The following TRPC6 variants were observed in gnomAD, a reference collection of about 807,000 sequenced individuals.
TRPC6 encodes the protein transient receptor potential cation channel subfamily C member 6.
TRPC6 carries 55 observed loss-of-function variants against 90.7 expected under a neutral mutation model. The ratio of observed to expected loss-of-function variants is 0.61; its 90% confidence interval spans 0.49 to 0.76. TRPC6 has a LOEUF of 0.76. TRPC6 is among the 30% of genes least tolerant of loss of function. The probability of loss-of-function intolerance (pLI) is 0.00; values close to 1 mark genes in which losing one functional copy is unlikely to be tolerated. For synonymous variants in TRPC6, 393 were observed against 393.0 expected, an observed-to-expected ratio of 1.00 and a Z score of 0.00; for missense variants, 989 against 1,122.7, an observed-to-expected ratio of 0.88 and a Z score of 1.70.
At chr11:101,493,132 T>C (rs1325329404) in intron 2 of TRPC6, among the ~76,000 whole-genome samples, 2 of 152,202 alleles carry the variant, frequency 1.3e-5, no homozygotes, top group Non-Finnish European at 2.9e-5. Flanking sequence ...TATAACCAAA[T>C]GCTAATCAAG....
intron 2 of TRPC6, among the ~76,000 whole-genome samples, chr11:101,498,997 T>C (rs1860022956): frequency 6.6e-6 from 1 of 152,172 alleles, no homozygotes; most frequent in Admixed American, 6.6e-5. Context: ...CATGTTGGGA[T>C]GTTCTGATTT....
chr11:101,500,518 A>G (rs564666256), intron 2 of TRPC6, among the ~76,000 whole-genome samples: 1 of 152,146 alleles, frequency 6.6e-6, no homozygotes, highest in East Asian at 1.9e-4. Context: ...CATATTAATT[A>G]TTTTTAACAG....
chr11:101,491,868 C>G (rs1481981922), intron 2 of TRPC6, 130 bp from the exon 3 acceptor site: 1 of 828,654 alleles, frequency 1.2e-6, no homozygotes. Flanking sequence ...TGAGACGGAG[C>G]CTGGCTGTGT....
chr11:101,496,625 T>C (rs1859956476), intron 2 of TRPC6, among the ~76,000 whole-genome samples: 1 of 152,230 alleles, frequency 6.6e-6, no homozygotes, highest in South Asian at 2.1e-4. Context: ...TTTGGTTATA[T>C]ACACTTAGTA....
chr11:101,570,736 G>A (rs1290941301), intron 1 of TRPC6, among the ~76,000 whole-genome samples: 1 of 152,126 alleles, frequency 6.6e-6, no homozygotes, highest in Non-Finnish European at 1.5e-5. Flanking sequence ...ATCAATAAAT[G>A]TAATCCATCA....
intron 1 of TRPC6, among the ~76,000 whole-genome samples, chr11:101,534,956 G>T (rs1861002868): frequency 6.6e-6 from 1 of 152,086 alleles, no homozygotes; most frequent in African/African-American, 2.4e-5. Context: ...GAGGTCAAGG[G>T]TTCGCGAACA....
At chr11:101,560,979 G>T (rs535370348) in intron 1 of TRPC6, among the ~76,000 whole-genome samples, 2 of 152,242 alleles carry the variant, frequency 1.3e-5, no homozygotes, top group African/African-American at 2.4e-5. Flanking sequence ...CCATATAAAA[G>T]AGCATTCCAG....
At chr11:101,546,376 A>G (rs1861308517) in intron 1 of TRPC6, among the ~76,000 whole-genome samples, 3 of 150,918 alleles carry the variant, frequency 2.0e-5, no homozygotes, top group Non-Finnish European at 4.4e-5. Context: ...CCGGCCTTAT[A>G]ACTCTTTATC....
chr11:101,485,732 G>A (rs532668932), intron 4 of TRPC6, among the ~76,000 whole-genome samples: 183 of 152,188 alleles, frequency 1.2e-3, no homozygotes, highest in African/African-American at 3.9e-3. Context: ...ACAGTAGAGC[G>A]TAAATTAAAG....
intron 1 of TRPC6, among the ~76,000 whole-genome samples, chr11:101,547,825 C>G (rs535313429): frequency 6.6e-6 from 1 of 152,216 alleles, no homozygotes; most frequent in African/African-American, 2.4e-5. Context: ...ACTATATGCT[C>G]CTAGCCTGCT....
chr11:101,564,088 G>A (rs1861776210), intron 1 of TRPC6, among the ~76,000 whole-genome samples: 1 of 151,566 alleles, frequency 6.6e-6, no homozygotes, highest in African/African-American at 2.4e-5. Flanking sequence ...AAAAAAGACT[G>A]ACATCTTTAA....
intron 2 of TRPC6, among the ~76,000 whole-genome samples, chr11:101,494,877 C>T (rs1565216425): frequency 6.6e-6 from 1 of 152,144 alleles, no homozygotes; most frequent in East Asian, 1.9e-4. Flanking sequence ...TTCAGAAATA[C>T]ACACTTTTTC....
At chr11:101,540,794 T>G (rs1333338252) in intron 1 of TRPC6, among the ~76,000 whole-genome samples, 11 of 152,240 alleles carry the variant, frequency 7.2e-5, no homozygotes, top group Admixed American at 7.2e-4. Flanking sequence ...ATTCCTTATT[T>G]GACCACCATT....
Position 101,469,511 on chromosome 11 carries a change from A to T in TRPC6, c.2410-10T>A. On this transcript the variant is annotated splice_polypyrimidine_tract_variant and intron_variant, in intron 9 of 12. Coordinates refer to ENST00000344327, the MANE Select transcript of TRPC6 (RefSeq NM_004621.6). Reference sequence around the variant, plus strand: ...TCTTTTCTTCATTTATCTTTTAAAGATAGATAGTAAAATGAGTATAACTGC... The same window carrying T: ...TCTTTTCTTCATTTATCTTTTAAAGTTAGATAGTAAAATGAGTATAACTGC... 1.3e-6 allele frequency: 1 copy of T among 751,152 alleles called. No homozygotes were observed. Among genetic ancestry groups the T allele is most frequent in the Non-Finnish European group, 2.5e-6 (1 of 401,736 alleles). The allele number at this position is 751,152 out of a possible 1,614,324, so 46.5% of individuals were successfully genotyped here. A position where few individuals can be genotyped will look rare whatever the true frequency, so the allele number is the denominator to read the frequency against.
At position 101,476,537 on chromosome 11, in the gene TRPC6, G is replaced by A. The variant is rs199770434; in HGVS notation, c.1511-3C>T. 14 of 1,607,204 alleles carry A rather than the reference G, an allele frequency of 8.7e-6. No individual in the cohort carries two copies. The highest frequency in any genetic ancestry group is 1.2e-5 in the Non-Finnish European group (14 of 1,173,794). On this transcript the variant is annotated splice_region_variant and splice_polypyrimidine_tract_variant and intron_variant, in intron 5 of 12. Coordinates refer to ENST00000344327, the MANE Select transcript of TRPC6 (RefSeq NM_004621.6). Reference sequence around the variant, plus strand: ...TTTACATTCAGCCCATATCATGCCTGCATCAGAAAGGGGTTAAAATATCAA... The same window carrying A: ...TTTACATTCAGCCCATATCATGCCTACATCAGAAAGGGGTTAAAATATCAA...
intron 4 of TRPC6, among the ~76,000 whole-genome samples, chr11:101,483,604 A>G (rs1044657359): frequency 1.3e-5 from 2 of 152,156 alleles, no homozygotes; most frequent in African/African-American, 4.8e-5. Context: ...ATTGACAGGC[A>G]TGCAATTCAG....
At chr11:101,510,540 G>A (rs1465850953) in intron 1 of TRPC6, among the ~76,000 whole-genome samples, 3 of 152,142 alleles carry the variant, frequency 2.0e-5, no homozygotes, top group Non-Finnish European at 4.4e-5. Flanking sequence ...ATGGTTAAAA[G>A]ATTAGTAACC....
At chr11:101,495,636 C>T (rs1042073734) in intron 2 of TRPC6, among the ~76,000 whole-genome samples, 1 of 133,978 alleles carries the variant, frequency 7.5e-6, no homozygotes, top group Non-Finnish European at 1.6e-5. Flanking sequence ...TTATTATTAT[C>T]ATTGTTTTCA....
intron 4 of TRPC6, 124 bp from the exon 5 acceptor site, chr11:101,483,289 T>G: frequency 8.5e-7 from 1 of 1,171,872 alleles, no homozygotes; most frequent in Non-Finnish European, 1.2e-6. Flanking sequence ...ATTGTTTATA[T>G]TTATGTAATT....
Sources: gnomAD v4.1 joint callset for allele counts (sites outside exome capture counted in the v4.1 genomes callset) on GRCh38, gnomAD v4.1.1 for gene constraint, MANE v1.5 for transcripts, NCBI Gene and HGNC (gene_info 2026-07-23, HGNC 2026-07-21) for gene names.